BAZ1B: variants seen among roughly 807,000 people sequenced by gnomAD.
BAZ1B encodes the protein tyrosine-protein kinase BAZ1B.
BAZ1B carries 22 observed loss-of-function variants against 153.8 expected under a neutral mutation model. The ratio of observed to expected loss-of-function variants is 0.14; its 90% CI spans 0.10 to 0.20. BAZ1B has a LOEUF of 0.20. BAZ1B is among the 10% of genes least tolerant of loss of function. The pLI, the probability that BAZ1B is intolerant of heterozygous loss-of-function variation, is 1.00. For synonymous variants in BAZ1B, 676 were observed against 633.4 expected (o/e 1.07, Z -1.01); for missense variants, 1,325 against 1,799.3 (o/e 0.74, Z 4.77).
At chr7:73,503,109 A>C (rs2116429650) in intron 3 of BAZ1B, among the ~76,000 whole-genome samples, 1 of 152,290 alleles carries the variant, frequency 6.6e-6, no homozygotes, top group East Asian at 1.9e-4. Flanking sequence ...GAGGGTAAAT[A>C]CTCAAGCAAA....
intron 4 of BAZ1B, among the ~76,000 whole-genome samples, chr7:73,497,198 G>C (rs782486675): frequency 6.7e-6 from 1 of 149,494 alleles, no homozygotes; most frequent in Admixed American, 6.7e-5. Context: ...AGCCATGATC[G>C]TACCACTGCA....
In BAZ1B at chr7:73,442,216, C is replaced by T. The variant is rs940869911; in HGVS notation, c.4432G>A (p.Gly1478Arg). The change falls in exon 19 of 20, where the codon GGA becomes AGA. Residue 1478 changes from glycine (G) to arginine (R), a missense_variant. Around this residue, in one of 9 missense-constraint regions of BAZ1B, gnomAD observed 271 missense variants for 337.2 expected, o/e 0.80. Transcript: ENST00000339594. ...SEPEAVGQSR[G>R]RRQKK is the part of the protein sequence containing the mutation. ...CCTCTCTACTTCTTCTGTCTTCGTC[C>T]CCTGGACTGTCCAACGGCCTCTGGC... 1.9e-6 allele frequency: 3 copies of T among 1,545,920 alleles called. No individual in the cohort carries two copies. Among genetic ancestry groups the T allele is most frequent in the Admixed American group, 1.7e-5 (1 of 57,824 alleles).
intron 12 of BAZ1B, among the ~76,000 whole-genome samples, chr7:73,461,897 C>T (rs1403753832): frequency 6.6e-6 from 1 of 152,160 alleles, no homozygotes; most frequent in Non-Finnish European, 1.5e-5. Flanking sequence ...TGAGATCAGC[C>T]AGGGCAACAT....
In BAZ1B at chr7:73,494,434, G is replaced by A. The variant is rs369382919; in HGVS notation, c.572-1513C>T. On this transcript the variant is annotated intron_variant, in intron 4 of 19. Transcript: ENST00000339594. ...AGTTGATACTGAAGATAAGGAAATTGGAAGATACAATGCTAAACATCTGAA... is the reference window on the plus strand; with the variant it reads ...AGTTGATACTGAAGATAAGGAAATTAGAAGATACAATGCTAAACATCTGAA... Among the ~76,000 whole-genome samples the A allele has an allele frequency of 3.3e-5, 5 of 152,062 alleles. No individual in the cohort carries two copies. In the East Asian group the frequency reaches 9.7e-4, roughly 29 times the overall value.
At chr7:73,474,214 G>A (rs1411333675) in intron 7 of BAZ1B, among the ~76,000 whole-genome samples, 1 of 152,034 alleles carries the variant, frequency 6.6e-6, no homozygotes, top group Admixed American at 6.5e-5. Context: ...AACGGCACTA[G>A]GACAACTGGA....
Position 73,522,000 on chromosome 7 carries a change from G to C in BAZ1B, c.-67C>G. ...CCCGCGGCGCAGCACTAGGCCCCGC[G>C]GCCCGGAGCGAGCGCCAGGCGCCCG... On this transcript the variant is annotated 5_prime_UTR_variant, in exon 1 of 20. Transcript: ENST00000339594. 3.4e-6 allele frequency: 4 copies of C among 1,168,278 alleles called. No individual in the cohort carries two copies. Among genetic ancestry groups the C allele is most frequent in the Non-Finnish European group, 4.3e-6 (4 of 930,032 alleles). 72.4% of individuals were successfully genotyped at this position (1,168,278 alleles called of 1,614,324 possible).
chr7:73,457,474 G>A (rs1013630390), intron 13 of BAZ1B, among the ~76,000 whole-genome samples: 6 of 152,210 alleles, frequency 3.9e-5, no homozygotes, highest in South Asian at 2.1e-4. Context: ...CACCACGCCC[G>A]GCCGGGACTC....
intron 9 of BAZ1B, among the ~76,000 whole-genome samples, chr7:73,468,935 G>A (rs1044255655): frequency 9.2e-5 from 14 of 152,218 alleles, no homozygotes; most frequent in Middle Eastern, 6.8e-3. Context: ...TTTGAGACCA[G>A]CTTGGCCAAC....
Position 73,510,857 on chromosome 7 carries a change from T to C in BAZ1B, c.108-5A>G. On this transcript the variant is annotated splice_polypyrimidine_tract_variant and splice_region_variant and intron_variant, in intron 1 of 19. Transcript: ENST00000339594. ...TCCAAGCGGGCTTCATACTCTCTGT[T>C]GGCAGTAGTTCAGGAAAACAATATG... 1 of 1,612,992 alleles carries C rather than the reference T, an allele frequency of 6.2e-7. No homozygotes were observed. Among genetic ancestry groups the C allele is most frequent in the South Asian group, 1.1e-5 (1 of 91,046 alleles).
intron 4 of BAZ1B, among the ~76,000 whole-genome samples, chr7:73,493,677 T>TA (rs1345838843): frequency 1.0e-4 from 15 of 149,526 alleles, no homozygotes; most frequent in African/African-American, 3.7e-4. Flanking sequence ...CCTGTCTCTA[T>TA]AAAAAATACA....
intron 1 of BAZ1B, among the ~76,000 whole-genome samples, chr7:73,516,581 G>A (rs997440085): frequency 8.6e-5 from 13 of 151,342 alleles, no homozygotes; most frequent in African/African-American, 2.7e-4. Flanking sequence ...TCAGGAATTC[G>A]AGACCAGCCT....
intron 9 of BAZ1B, among the ~76,000 whole-genome samples, chr7:73,468,786 C>T (rs955853066): frequency 2.0e-5 from 3 of 152,102 alleles, no homozygotes; most frequent in Non-Finnish European, 4.4e-5. Context: ...TGACAAACTG[C>T]TTCACAAATA....
rs376319296 is a variant in BAZ1B at position 73,459,785 on chromosome 7, C to G, written c.3250-67G>C. ...GAGGAAGACGAAAGGAATCCAACCT[C>G]AAATTCAAATAAATCTAGACTCAAA... On this transcript the variant is annotated intron_variant, in intron 12 of 19. Transcript: ENST00000339594. 1.6e-5 allele frequency: 22 copies of G among 1,369,560 alleles called. 1 individual carries two copies. The East Asian group carries it at 3.7e-4, about 23-fold the overall frequency. The allele number at this position is 1,369,560 out of a possible 1,614,324, so 84.8% of individuals were successfully genotyped here.
At chr7:73,460,863 A>T (rs1788369649) in intron 12 of BAZ1B, among the ~76,000 whole-genome samples, 1 of 151,254 alleles carries the variant, frequency 6.6e-6, no homozygotes, top group African/African-American at 2.4e-5. Flanking sequence ...TACTTGGGAG[A>T]CTGAGGCAGA....
At chr7:73,443,893 C>G in intron 17 of BAZ1B, 91 bp downstream of exon 17, 2 of 1,557,958 alleles carry the variant, frequency 1.3e-6, no homozygotes, top group Non-Finnish European at 1.8e-6. Flanking sequence ...GGGGAGGCTC[C>G]CCTCCCACCT....
intron 6 of BAZ1B, among the ~76,000 whole-genome samples, chr7:73,482,341 C>CA (rs1789234850): frequency 6.6e-6 from 1 of 152,170 alleles, no homozygotes; most frequent in East Asian, 1.9e-4. Context: ...AATTGCAGAG[C>CA]AAGACCCATT....
chr7:73,489,396 G>T lies in BAZ1B; in HGVS notation c.694-5C>A. 1 of 1,613,958 alleles carries T rather than the reference G, an allele frequency of 6.2e-7. No homozygotes were observed. The highest frequency in any genetic ancestry group is 8.5e-7 in the Non-Finnish European group (1 of 1,179,960). On this transcript the variant is annotated splice_region_variant and splice_polypyrimidine_tract_variant and intron_variant, in intron 5 of 19. Coordinates refer to ENST00000339594, the MANE Select transcript of BAZ1B (RefSeq NM_032408.4). ...TGCTGGCACGTTACTGATGATCTAGGTTAAAAAGAAACAAATAACTCACCA... is the reference window on the plus strand; with the variant it reads ...TGCTGGCACGTTACTGATGATCTAGTTTAAAAAGAAACAAATAACTCACCA...
intron 1 of BAZ1B, among the ~76,000 whole-genome samples, chr7:73,511,608 A>G (rs1230266077): frequency 1.3e-5 from 2 of 152,158 alleles, no homozygotes; most frequent in Non-Finnish European, 2.9e-5. Flanking sequence ...TTCATTACAC[A>G]AGACTTACGC....
chr7:73,473,816 T>C (rs1788902556), intron 7 of BAZ1B, among the ~76,000 whole-genome samples: 1 of 152,120 alleles, frequency 6.6e-6, no homozygotes, highest in South Asian at 2.1e-4. Flanking sequence ...ATAAAAAGAT[T>C]AGCCAGGCGT....
Sources: allele counts gnomAD v4.1 joint callset (sites outside exome capture counted in the v4.1 genomes callset), GRCh38; gene constraint gnomAD v4.1.1; regional missense constraint gnomAD v4.1.1; transcripts MANE v1.5; gene names NCBI Gene and HGNC (gene_info 2026-07-23, HGNC 2026-07-21).